The following HBS1L variants were observed in gnomAD, a reference collection of about 807,000 sequenced individuals.
HBS1L encodes the protein HBS1 like translational GTPase, also known as HBS1-like protein.
In HBS1L, 55 loss-of-function variants were observed where a neutral mutation model predicts 88.9. The observed-to-expected ratio is 0.62, with a 90% CI of 0.50 to 0.77. The LOEUF (loss-of-function observed/expected upper bound fraction) is 0.77. Ranked by LOEUF, HBS1L falls within the 30% of genes least tolerant of loss-of-function variation. The pLI, the probability that HBS1L is intolerant of heterozygous loss-of-function variation, is 0.00. For missense variants in HBS1L, 741 were observed against 829.3 expected, an observed-to-expected ratio of 0.89 and a Z score of 1.31; for synonymous variants, 267 against 288.5, an observed-to-expected ratio of 0.93 and a Z score of 0.76.
chr6:134,991,230 T>A (rs956738290), intron 8 of HBS1L, among the ~76,000 whole-genome samples: 1 of 152,178 alleles, frequency 6.6e-6, no homozygotes, highest in Non-Finnish European at 1.5e-5. Context: ...TTAAGTCCCT[T>A]ATACAAAACA....
chr6:134,984,160 G>T (rs982081000), intron 12 of HBS1L, among the ~76,000 whole-genome samples: 36 of 152,102 alleles, frequency 2.4e-4, no homozygotes, highest in African/African-American at 8.0e-4. Flanking sequence ...ACCACCTCTT[G>T]TATTCTTGAT....
Position 135,050,528 on chromosome 6 carries a change from A to G in HBS1L, c.109+54T>C, listed in dbSNP as rs909491497. 1.2e-5 allele frequency: 14 copies of G among 1,202,946 alleles called. No homozygotes were observed. The African/African-American group carries it at 1.8e-4, about 16-fold the overall frequency. 74.5% of individuals were successfully genotyped at this position (1,202,946 alleles called of 1,614,324 possible). A position where few individuals can be genotyped will look rare whatever the true frequency, so the allele number is the denominator to read the frequency against. On this transcript the variant is annotated intron_variant, in intron 2 of 17. Transcript: ENST00000367837. ...ACACTCCAGTCCTTGAACGACTAAC[A>G]TTTACATTTTTAAACACCAAATCTA...
At chr6:134,988,712 T>C (rs1775050185) in intron 8 of HBS1L, among the ~76,000 whole-genome samples, 1 of 152,182 alleles carries the variant, frequency 6.6e-6, no homozygotes, top group South Asian at 2.1e-4. Context: ...CAAATATTGC[T>C]CATGGGACTG....
intron 4 of HBS1L, among the ~76,000 whole-genome samples, chr6:135,031,750 A>G (rs1480673902): frequency 6.6e-6 from 1 of 152,096 alleles, no homozygotes; most frequent in Admixed American, 6.5e-5. Context: ...ATATCCTGCA[A>G]CTAAACTGCT....
intron 4 of HBS1L, among the ~76,000 whole-genome samples, chr6:135,023,145 C>T (rs1180968130): frequency 6.6e-6 from 1 of 151,780 alleles, no homozygotes; most frequent in Non-Finnish European, 1.5e-5. Context: ...GAACAACCTG[C>T]CATTAAGAAC....
At chr6:135,035,207 C>T (rs1776497302) in intron 4 of HBS1L, among the ~76,000 whole-genome samples, 1 of 152,112 alleles carries the variant, frequency 6.6e-6, no homozygotes. Context: ...AATCCCTGCA[C>T]TTTGGGAGGC....
chr6:135,041,446 T>C (rs535763337), intron 3 of HBS1L, among the ~76,000 whole-genome samples: 50 of 152,058 alleles, frequency 3.3e-4, no homozygotes, highest in Non-Finnish European at 6.2e-4. Context: ...TTAAAATGTT[T>C]AAGAGAGTTG....
chr6:135,000,090 G>A (rs1775407316), intron 5 of HBS1L, among the ~76,000 whole-genome samples: 1 of 151,098 alleles, frequency 6.6e-6, no homozygotes, highest in Non-Finnish European at 1.5e-5. Flanking sequence ...TCTCGCTCTC[G>A]CTGTGTTGCC....
At chr6:135,013,964 C>T (rs143089916) in intron 4 of HBS1L, among the ~76,000 whole-genome samples, 4 of 151,988 alleles carry the variant, frequency 2.6e-5, no homozygotes, top group African/African-American at 7.3e-5. Flanking sequence ...TATGCAAATA[C>T]GATGACATTT....
chr6:134,981,494 A>G (rs146984601), intron 13 of HBS1L, among the ~76,000 whole-genome samples: 258 of 152,052 alleles, frequency 1.7e-3, no homozygotes, highest in Middle Eastern at 6.8e-3. Flanking sequence ...ACTTTTCAAG[A>G]AATCTTCTTT....
intron 15 of HBS1L, among the ~76,000 whole-genome samples, 164 bp from the exon 16 acceptor site, chr6:134,969,502 T>C (rs779561625): frequency 2.0e-5 from 3 of 152,208 alleles, no homozygotes; most frequent in Non-Finnish European, 4.4e-5. Context: ...AGGTGGTTAC[T>C]TAACTCACTA....
chr6:135,035,816 A>G, intron 4 of HBS1L: 2 of 460,298 alleles, frequency 4.3e-6, no homozygotes, highest in South Asian at 9.2e-5. Context: ...GAAGCTAAAG[A>G]GATCTGGTAA....
intron 12 of HBS1L, among the ~76,000 whole-genome samples, chr6:134,984,699 G>A (rs1376184452): frequency 2.0e-5 from 3 of 151,900 alleles, no homozygotes; most frequent in Non-Finnish European, 4.4e-5. Context: ...ATAGGATCTT[G>A]CCCTTATTAA....
intron 2 of HBS1L, among the ~76,000 whole-genome samples, chr6:135,045,087 C>T (rs1029945647): frequency 6.6e-6 from 1 of 151,670 alleles, no homozygotes. Flanking sequence ...AAGAAAACTC[C>T]CCCAGGAGAA....
At chr6:134,984,866 T>C (rs1297500597) in intron 12 of HBS1L, among the ~76,000 whole-genome samples, 7 of 152,112 alleles carry the variant, frequency 4.6e-5, no homozygotes, top group South Asian at 2.1e-4. Context: ...ACATTTCCCA[T>C]TTCACCTATG....
intron 8 of HBS1L, among the ~76,000 whole-genome samples, chr6:134,988,320 CCCA>C (rs1161614033): frequency 2.0e-5 from 3 of 151,384 alleles, no homozygotes; most frequent in Non-Finnish European, 4.4e-5. Context: ...TCGAGATCGC[CCCA>C]CTACACTCCA....
intron 4 of HBS1L, chr6:135,036,816 A>T (rs1291214898): frequency 6.4e-7 from 1 of 1,551,832 alleles, no homozygotes; most frequent in African/African-American, 1.4e-5. Context: ...AGAGAGAAAA[A>T]GGTGGTTTCC....
intron 12 of HBS1L, 77 bp downstream of exon 12, chr6:134,985,264 T>C (rs781337113): frequency 5.9e-6 from 5 of 849,632 alleles, no homozygotes; most frequent in Non-Finnish European, 9.3e-6. Context: ...CTGTCATAAC[T>C]TAGTCCAGGA....
At chr6:135,022,016 T>C (rs1385557726) in intron 4 of HBS1L, among the ~76,000 whole-genome samples, 3 of 152,174 alleles carry the variant, frequency 2.0e-5, no homozygotes, top group Non-Finnish European at 4.4e-5. Context: ...GTACTTCTAT[T>C]AAATCAGAGA....
Sources: allele counts gnomAD v4.1 joint callset (sites outside exome capture counted in the v4.1 genomes callset), GRCh38; gene constraint gnomAD v4.1.1; transcripts MANE v1.5; gene names NCBI Gene and HGNC (gene_info 2026-07-23, HGNC 2026-07-21).